LEPROTL1: variants seen among roughly 807,000 people sequenced by gnomAD.
LEPROTL1 encodes the protein leptin receptor overlapping transcript-like 1.
Under a neutral mutation model 15.4 loss-of-function variants are expected in LEPROTL1, and 6 were observed. That is an observed-to-expected ratio of 0.39 (90% CI 0.21 to 0.77). The LOEUF (loss-of-function observed/expected upper bound fraction) is 0.77, where lower values mean the gene tolerates loss of function less well. Ranked by LOEUF, LEPROTL1 falls within the 30% of genes least tolerant of loss-of-function variation. LEPROTL1 has a pLI of 0.41. For missense variants in LEPROTL1, 128 were observed against 158.1 expected (o/e 0.81, Z 1.02); for synonymous variants, 56 against 52.6 (o/e 1.06, Z -0.28).
chr8:30,113,478 G>T (rs1802685919), downstream of LEPROTL1, among the ~76,000 whole-genome samples: 1 of 152,184 alleles, frequency 6.6e-6, no homozygotes, highest in Admixed American at 6.5e-5. Flanking sequence ...CAAAGAGCCT[G>T]TCATCGCTGC....
intron 3 of LEPROTL1, among the ~76,000 whole-genome samples, chr8:30,118,880 C>CA (rs1363012787): frequency 6.6e-6 from 1 of 152,212 alleles, no homozygotes; most frequent in Non-Finnish European, 1.5e-5. Context: ...TCCACCCAAA[C>CA]ATCTCAATAA....
At chr8:30,121,916 A>C (rs1479649201) in intron 3 of LEPROTL1, among the ~76,000 whole-genome samples, 5 of 152,004 alleles carry the variant, frequency 3.3e-5, no homozygotes, top group African/African-American at 1.2e-4. Flanking sequence ...CTGTAATCCT[A>C]GCACTTTGGG....
At chr8:30,135,606 G>A (rs974705137) in intron 4 of LEPROTL1, among the ~76,000 whole-genome samples, 3 of 152,032 alleles carry the variant, frequency 2.0e-5, no homozygotes, top group Non-Finnish European at 4.4e-5. Context: ...GATTATTGAG[G>A]AGAACAATGA....
intron 3 of LEPROTL1, chr8:30,104,714 C>CTTT (rs376796010): frequency 4.1e-4 from 82 of 200,446 alleles, no homozygotes; most frequent in Middle Eastern, 1.6e-3. Flanking sequence ...TTTTTTTTTT[C>CTTT]TTTTTTTTTT....
At chr8:30,113,363 C>G (rs1802683665), downstream of LEPROTL1, among the ~76,000 whole-genome samples, 1 of 152,108 alleles carries the variant, frequency 6.6e-6, no homozygotes, top group South Asian at 2.1e-4. Flanking sequence ...TAAGAAATTT[C>G]TGAGAAAACG....
At chr8:30,109,068 G>A (rs1012922290), downstream of LEPROTL1, among the ~76,000 whole-genome samples, 5 of 137,604 alleles carry the variant, frequency 3.6e-5, no homozygotes, top group African/African-American at 1.4e-4. Flanking sequence ...GATTACAGGC[G>A]TGAGCCACCA....
At chr8:30,096,482 GT>G (rs1241553564) in intron 1 of LEPROTL1, 5 of 721,688 alleles carry the variant, frequency 6.9e-6, no homozygotes, top group Non-Finnish European at 6.8e-6. Context: ...ACTTAATCGA[GT>G]TTTTTTTCAG....
At chr8:30,096,192 CTTTTTTTCCTTTTTT>C in intron 1 of LEPROTL1, 3 of 742,338 alleles carry the variant, frequency 4.0e-6, no homozygotes, top group Non-Finnish European at 4.5e-6. Context: ...CAAAATTTTT[CTTTTTTTCCTTTTTT>C]TTTTTTAAGA....
chr8:30,122,769 T>C (rs1377578432), intron 3 of LEPROTL1, among the ~76,000 whole-genome samples: 1 of 152,192 alleles, frequency 6.6e-6, no homozygotes, highest in Non-Finnish European at 1.5e-5. Context: ...CACTGCAGCA[T>C]GGGCAACAAT....
intron 3 of LEPROTL1, among the ~76,000 whole-genome samples, chr8:30,121,233 G>GTTTTGT (rs548243253): frequency 0.011 from 1,610 of 151,504 alleles, 46 homozygotes; most frequent in Admixed American, 0.065. Context: ...TGTTTTTGGG[G>GTTTTGT]TTTTGTTTTT....
intron 1 of LEPROTL1, among the ~76,000 whole-genome samples, chr8:30,100,554 A>C (rs1256595725): frequency 6.6e-6 from 1 of 152,172 alleles, no homozygotes; most frequent in Non-Finnish European, 1.5e-5. Context: ...GGTTCAAGCA[A>C]TTCTCCTGCC....
intron 3 of LEPROTL1, chr8:30,131,957 G>C (rs1803023870): frequency 6.5e-7 from 1 of 1,547,748 alleles, no homozygotes; most frequent in East Asian, 2.4e-5. Context: ...TTACATTTGT[G>C]CTTTCTCTTC....
chr8:30,112,948 C>G (rs1391857390), downstream of LEPROTL1, among the ~76,000 whole-genome samples: 1 of 151,850 alleles, frequency 6.6e-6, no homozygotes, highest in East Asian at 1.9e-4. Context: ...TCCTCCCTAC[C>G]CCTACTCCTG....
At chr8:30,116,825 C>A (rs1287159650) in intron 3 of LEPROTL1, among the ~76,000 whole-genome samples, 2 of 152,178 alleles carry the variant, frequency 1.3e-5, no homozygotes, top group Admixed American at 1.3e-4. Flanking sequence ...AGACAGACAT[C>A]GTGGGTTCTC....
chr8:30,131,456 A>G (rs1382939226), intron 3 of LEPROTL1, among the ~76,000 whole-genome samples: 1 of 151,990 alleles, frequency 6.6e-6, no homozygotes, highest in Admixed American at 6.6e-5. Context: ...CACCTGGCCC[A>G]AATTTCCAAA....
chr8:30,095,475 C>A lies in LEPROTL1; in HGVS notation c.-38C>A. On this transcript the variant is annotated 5_prime_UTR_variant, in exon 1 of 4. Coordinates refer to ENST00000321250, the MANE Select transcript of LEPROTL1 (RefSeq NM_015344.3). Reference sequence around the variant, plus strand: ...CTCCCGGCTGCCGCTGCTGCCGCCGCCGCCTCGGGTCGTGGAGCCAGGAGC... The same window carrying A: ...CTCCCGGCTGCCGCTGCTGCCGCCGACGCCTCGGGTCGTGGAGCCAGGAGC... The A allele has an allele frequency of 6.8e-7, 1 of 1,466,738 alleles. No homozygotes were observed. Among genetic ancestry groups the A allele is most frequent in the Non-Finnish European group, 9.0e-7 (1 of 1,113,934 alleles). The allele number at this position is 1,466,738 out of a possible 1,614,324, so 90.9% of individuals were successfully genotyped here. A position where few individuals can be genotyped will look rare whatever the true frequency, so the allele number is the denominator to read the frequency against.
At chr8:30,095,556 G>T in intron 1 of LEPROTL1, 28 bp downstream of exon 1, 1 of 1,365,900 alleles carries the variant, frequency 7.3e-7, no homozygotes. Context: ...GACGCGGGAG[G>T]GCTGGGGCCG....
rs148685872 is a variant in LEPROTL1, at chr8:30,096,150, C to G, written c.16+622C>G. 1.3e-3 allele frequency: 515 copies of G among 390,720 alleles called. 5 individuals carry two copies. Among genetic ancestry groups the G allele is most frequent in the African/African-American group, 0.011 (484 of 45,688 alleles). The allele number at this position is 390,720 out of a possible 1,614,324, so 24.2% of individuals were successfully genotyped here. On this transcript the variant is annotated intron_variant, in intron 1 of 3. Transcript: ENST00000321250. ...AAGTGCTCCTGGCTCTCTTCCCTCT[C>G]CGCAGTTGCACCCTGAGGCTTTTTC...
intron 1 of LEPROTL1, among the ~76,000 whole-genome samples, chr8:30,099,406 A>G (rs1802424891): frequency 6.6e-6 from 1 of 151,686 alleles, no homozygotes; most frequent in African/African-American, 2.4e-5. Context: ...ATCCTGGCCA[A>G]TGTGGTGAAA....
Sources: allele counts gnomAD v4.1 joint callset (sites outside exome capture counted in the v4.1 genomes callset), GRCh38; gene constraint gnomAD v4.1.1; transcripts MANE v1.5; gene names NCBI Gene and HGNC (gene_info 2026-07-23, HGNC 2026-07-21).